Variants in RAB10 observed in about 807,000 individuals in gnomAD.
RAB10 encodes ras-related protein Rab-10.
Under a neutral mutation model 25.7 loss-of-function variants are expected in RAB10, and 5 were observed. The observed-to-expected ratio is 0.19, with a 90% confidence interval of 0.10 to 0.41. RAB10 has a LOEUF of 0.41. Ranked by LOEUF, RAB10 falls within the 10% of genes least tolerant of loss-of-function variation. The pLI, the probability that RAB10 is intolerant of heterozygous loss-of-function variation, is 1.00. For synonymous variants in RAB10, 89 were observed against 86.4 expected (o/e 1.03, Z -0.16); for missense variants, 103 against 245.8 (o/e 0.42, Z 3.89).
At chr2:26,034,832 A>G (rs1432702642) in intron 1 of RAB10, 97 bp downstream of exon 1, 3 of 1,502,396 alleles carry the variant, frequency 2.0e-6, no homozygotes, top group African/African-American at 2.8e-5. Context: ...CCTTTGTTTC[A>G]GTGATTCCGA....
chr2:26,091,816 G>A (rs1193023141), intron 1 of RAB10, among the ~76,000 whole-genome samples: 1 of 152,128 alleles, frequency 6.6e-6, no homozygotes, highest in Admixed American at 6.6e-5. Flanking sequence ...GGCTAGAAAG[G>A]TAGGAGAGTC....
chr2:26,134,910 A>G (rs753171714), intron 5 of RAB10, 28 bp from the exon 6 acceptor site: 2 of 1,557,010 alleles, frequency 1.3e-6, no homozygotes, highest in Admixed American at 1.7e-5. Context: ...TTTTTTCATG[A>G]GTTATTTTCC....
chr2:26,064,509 T>G (rs1257959742), intron 1 of RAB10, among the ~76,000 whole-genome samples: 1 of 151,750 alleles, frequency 6.6e-6, no homozygotes, highest in African/African-American at 2.4e-5. Context: ...AAAAAAAATT[T>G]TTTTTTTCAT....
intron 1 of RAB10, among the ~76,000 whole-genome samples, chr2:26,098,128 T>C (rs1372695438): frequency 7.4e-6 from 1 of 135,262 alleles, no homozygotes; most frequent in African/African-American, 2.7e-5. Context: ...TTTTTTTTTT[T>C]TTTTTTTTTG....
chr2:26,047,727 T>TTG (rs1559577836), intron 1 of RAB10, among the ~76,000 whole-genome samples: 1 of 135,824 alleles, frequency 7.4e-6, no homozygotes, highest in African/African-American at 2.8e-5. Flanking sequence ...TGGCCTGTTT[T>TTG]TTTTTTTTTT....
intron 1 of RAB10, among the ~76,000 whole-genome samples, chr2:26,096,758 T>C (rs1231875642): frequency 6.6e-6 from 1 of 152,242 alleles, no homozygotes. Context: ...CTCTCTGAAA[T>C]ATTGCTTTAG....
chr2:26,063,247 G>C (rs1267432282), intron 1 of RAB10, among the ~76,000 whole-genome samples: 2 of 152,172 alleles, frequency 1.3e-5, no homozygotes, highest in South Asian at 2.1e-4. Flanking sequence ...ATGTTGGACA[G>C]ATCGTCTGGG....
intron 1 of RAB10, among the ~76,000 whole-genome samples, chr2:26,074,922 T>A (rs1054260358): frequency 1.3e-4 from 20 of 152,338 alleles, no homozygotes; most frequent in Admixed American, 6.5e-5. Flanking sequence ...GGAACGGGTC[T>A]GGCATATAGT....
At chr2:26,128,913 G>A (rs1667956780) in intron 5 of RAB10, among the ~76,000 whole-genome samples, 1 of 152,238 alleles carries the variant, frequency 6.6e-6, no homozygotes, top group Middle Eastern at 3.4e-3. Context: ...CATGGATTTG[G>A]TTATGAGTCC....
At chr2:26,097,557 C>G (rs572953517) in intron 1 of RAB10, among the ~76,000 whole-genome samples, 2 of 152,158 alleles carry the variant, frequency 1.3e-5, no homozygotes, top group Admixed American at 1.3e-4. Flanking sequence ...GGATTACAGG[C>G]GTGAGCCACC....
intron 1 of RAB10, among the ~76,000 whole-genome samples, chr2:26,061,522 T>TA (rs1302531743): frequency 6.6e-6 from 1 of 152,084 alleles, no homozygotes; most frequent in African/African-American, 2.4e-5. Context: ...TAGCTAATAT[T>TA]ACAGGTGCAT....
intron 5 of RAB10, among the ~76,000 whole-genome samples, chr2:26,129,202 A>G (rs1333994631): frequency 2.0e-5 from 3 of 150,032 alleles, no homozygotes; most frequent in Non-Finnish European, 3.0e-5. Context: ...CCAGGGAGTC[A>G]GAGGTTGCAG....
intron 1 of RAB10, among the ~76,000 whole-genome samples, chr2:26,096,460 G>C (rs1234846605): frequency 1.5e-5 from 2 of 133,040 alleles, no homozygotes; most frequent in Non-Finnish European, 3.3e-5. Flanking sequence ...ATGGATGGAT[G>C]GATCTTCTAG....
chr2:26,127,269 C>T (rs770961673), intron 4 of RAB10, 36 bp downstream of exon 4: 8 of 1,399,490 alleles, frequency 5.7e-6, no homozygotes, highest in Admixed American at 4.4e-5. Context: ...TCTGCTCTGT[C>T]TTTGTAAAGG....
chr2:26,122,815 GCTGA>G (rs1387247114), intron 3 of RAB10, among the ~76,000 whole-genome samples: 1 of 152,094 alleles, frequency 6.6e-6, no homozygotes, highest in Non-Finnish European at 1.5e-5. Flanking sequence ...AGCAGCTTCT[GCTGA>G]CTAAGACACA....
At chr2:26,084,090 A>C (rs567072596) in intron 1 of RAB10, among the ~76,000 whole-genome samples, 10 of 152,280 alleles carry the variant, frequency 6.6e-5, no homozygotes, top group African/African-American at 2.4e-4. Context: ...ACATATTTGC[A>C]TGTCAAATCC....
chr2:26,120,592 CT>C (rs71694853), intron 3 of RAB10, among the ~76,000 whole-genome samples: 4,321 of 146,106 alleles, frequency 0.03, 207 homozygotes, highest in African/African-American at 0.1. Context: ...TAGGGAGTTT[CT>C]TTTTTTTTTT....
chr2:26,127,727 C>T, intron 4 of RAB10, 123 bp from the exon 5 acceptor site: 1 of 634,888 alleles, frequency 1.6e-6, no homozygotes. Context: ...CTGAAATATT[C>T]TGTGTTATAT....
At chr2:26,052,664 G>C (rs1666163463) in intron 1 of RAB10, among the ~76,000 whole-genome samples, 1 of 151,794 alleles carries the variant, frequency 6.6e-6, no homozygotes, top group Non-Finnish European at 1.5e-5. Flanking sequence ...GCAGGTGTGG[G>C]GTTAACTTTA....
Sources: allele counts gnomAD v4.1 joint callset (sites outside exome capture counted in the v4.1 genomes callset), GRCh38; gene constraint gnomAD v4.1.1; transcripts MANE v1.5; gene names NCBI Gene and HGNC (gene_info 2026-07-23, HGNC 2026-07-21).